Variants in CTH observed in about 807,000 individuals in gnomAD.
CTH encodes cystathionine gamma-lyase.
CTH carries 41 observed loss-of-function variants against 50.6 expected under a neutral mutation model. The observed-to-expected ratio is 0.81, with a 90% CI of 0.63 to 1.05. CTH has a LOEUF of 1.05. CTH is among the 50% of genes least tolerant of loss of function. The probability of loss-of-function intolerance (pLI) is 0.00; values close to 1 mark genes in which losing one functional copy is unlikely to be tolerated. For synonymous variants in CTH, 156 were observed against 168.9 expected (o/e 0.92, Z 0.59); for missense variants, 470 against 492.6 (o/e 0.95, Z 0.43).
At chr1:70,420,492 T>A (rs1224194405) in intron 3 of CTH, among the ~76,000 whole-genome samples, 1 of 152,140 alleles carries the variant, frequency 6.6e-6, no homozygotes, top group Non-Finnish European at 1.5e-5. Flanking sequence ...GGTTTCCTCC[T>A]GTGAGAATCT....
chr1:70,430,027 T>G (rs1447456623), intron 6 of CTH, among the ~76,000 whole-genome samples, 176 bp downstream of exon 6: 1 of 152,202 alleles, frequency 6.6e-6, no homozygotes, highest in Non-Finnish European at 1.5e-5. Context: ...CACAAAACTA[T>G]GCTCATGATT....
chr1:70,414,140 T>C (rs901741523), intron 1 of CTH, among the ~76,000 whole-genome samples: 1 of 151,890 alleles, frequency 6.6e-6, no homozygotes, highest in Non-Finnish European at 1.5e-5. Context: ...TTTTTTTTTT[T>C]AATCTGCAGG....
chr1:70,430,550 T>A (rs1377075794), intron 7 of CTH, among the ~76,000 whole-genome samples, 156 bp downstream of exon 7: 1 of 150,638 alleles, frequency 6.6e-6, no homozygotes, highest in African/African-American at 2.4e-5. Context: ...ATTTATTAAT[T>A]TTTTTTTTTG....
chr1:70,429,111 C>T (rs895113008), intron 5 of CTH, among the ~76,000 whole-genome samples: 2 of 152,098 alleles, frequency 1.3e-5, no homozygotes, highest in Non-Finnish European at 2.9e-5. Flanking sequence ...CTTGTAATAC[C>T]TAATACAATG....
At chr1:70,434,585 A>T (rs899869896) in intron 9 of CTH, among the ~76,000 whole-genome samples, 4 of 152,016 alleles carry the variant, frequency 2.6e-5, no homozygotes, top group African/African-American at 7.3e-5. Flanking sequence ...CACACTCAAC[A>T]TAAAAACAGT....
chr1:70,424,515 A>T (rs1429024685), intron 5 of CTH, 99 bp downstream of exon 5: 2 of 1,569,970 alleles, frequency 1.3e-6, no homozygotes, highest in Non-Finnish European at 1.7e-6. Flanking sequence ...GATCAAATTC[A>T]TGAAATCTAA....
intron 1 of CTH, among the ~76,000 whole-genome samples, chr1:70,415,065 GCATTGGTAGGATGTGAT>G (rs1443477939): frequency 6.6e-6 from 1 of 152,148 alleles, no homozygotes; most frequent in Non-Finnish European, 1.5e-5. Context: ...TGAATGTTGA[GCATTGGTAGGATGTGAT>G]CATAACTTCC....
At chr1:70,417,237 A>G (rs980717990) in intron 2 of CTH, among the ~76,000 whole-genome samples, 3 of 152,060 alleles carry the variant, frequency 2.0e-5, no homozygotes, top group Non-Finnish European at 4.4e-5. Flanking sequence ...CATATAATTA[A>G]CGTATGAATC....
intron 5 of CTH, among the ~76,000 whole-genome samples, chr1:70,428,952 G>T (rs909910770): frequency 6.6e-6 from 1 of 151,902 alleles, no homozygotes; most frequent in Non-Finnish European, 1.5e-5. Context: ...ATAAAGTCTT[G>T]CTCTGTCACT....
chr1:70,424,032 T>G (rs988211256), intron 4 of CTH, among the ~76,000 whole-genome samples: 1 of 152,236 alleles, frequency 6.6e-6, no homozygotes, highest in African/African-American at 2.4e-5. Context: ...ATGTACGTTA[T>G]CTCACTTGAT....
chr1:70,438,618 T>A (rs1684648254), intron 10 of CTH, 70 bp from the exon 11 acceptor site: 1 of 1,569,794 alleles, frequency 6.4e-7, no homozygotes, highest in Non-Finnish European at 8.8e-7. Flanking sequence ...GTAATTGCAG[T>A]TTATGAGACA....
chr1:70,439,189 A>G lies in CTH; in HGVS notation c.*62A>G, dbSNP rs2101766085. 1.3e-6 allele frequency: 2 copies of G among 1,497,970 alleles called. No homozygotes were observed. The highest frequency in any genetic ancestry group is 4.5e-5 in the East Asian group (2 of 44,284). The allele number at this position is 1,497,970 out of a possible 1,614,324, so 92.8% of individuals were successfully genotyped here. A position where few individuals can be genotyped will look rare whatever the true frequency, so the allele number is the denominator to read the frequency against. On this transcript the variant is annotated 3_prime_UTR_variant, in exon 12 of 12. Coordinates refer to ENST00000370938, the MANE Select transcript of CTH (RefSeq NM_001902.6). ...AGATCAAATCTTCCTGAGTAATTAA[A>G]TGGACCAACAATGAGCCTTTGCAAA...
rs563394950 is a variant in CTH, at chr1:70,411,778, A to G, written c.168+195A>G. ...AGTGATCGTATTTCTTTTGATAAGC[A>G]GGACTGGAAGGAGCCGTTTGTCCAG... On this transcript the variant is annotated intron_variant, in intron 1 of 11. Coordinates refer to ENST00000370938, the MANE Select transcript of CTH (RefSeq NM_001902.6). The G allele has an allele frequency of 2.4e-4, 180 of 744,976 alleles. No individual in the cohort carries two copies. The African/African-American group carries it at 3.1e-3, about 13-fold the overall frequency. The allele number at this position is 744,976 out of a possible 1,614,324, so 46.1% of individuals were successfully genotyped here.
chr1:70,433,388 T>C (rs1684522684), intron 8 of CTH, among the ~76,000 whole-genome samples: 2 of 152,160 alleles, frequency 1.3e-5, no homozygotes, highest in South Asian at 4.1e-4. Context: ...AGACAAGGTA[T>C]TGGAGATTTA....
chr1:70,437,280 C>T (rs1227539342), intron 10 of CTH, among the ~76,000 whole-genome samples: 2 of 152,214 alleles, frequency 1.3e-5, no homozygotes, highest in South Asian at 2.1e-4. Context: ...TTAGCACCTA[C>T]TATGAACTAT....
At position 70,432,081 on chromosome 1, in the gene CTH, A is replaced by G. The variant is rs777635779; in HGVS notation, c.725-2A>G. ...CTTATCCAGGATGTGTTCATTTTGC[A>G]GCTCTTGGAGCAGTTCCATCTCCTA... On this transcript the variant is annotated splice_acceptor_variant, in intron 7 of 11. Coordinates refer to ENST00000370938, the MANE Select transcript of CTH (RefSeq NM_001902.6). LOFTEE classifies it high-confidence loss of function. 6.2e-7 allele frequency: 1 copy of G among 1,613,968 alleles called. No homozygotes were observed. The highest frequency in any genetic ancestry group is 8.5e-7 in the Non-Finnish European group (1 of 1,179,996).
chr1:70,415,927 T>C lies in CTH; in HGVS notation c.169-29T>C, dbSNP rs757193690. Reference sequence around the variant, plus strand: ...ACTCTGATAATAAACTGAAATCTCTTAGGATGAACTCGAACTTGTTTTTTT... The same window carrying C: ...ACTCTGATAATAAACTGAAATCTCTCAGGATGAACTCGAACTTGTTTTTTT... On this transcript the variant is annotated intron_variant, in intron 1 of 11. Coordinates refer to ENST00000370938, the MANE Select transcript of CTH (RefSeq NM_001902.6). The C allele has an allele frequency of 1.0e-5, 13 of 1,240,290 alleles. No individual in the cohort carries two copies. The African/African-American group carries it at 1.2e-4, about 11-fold the overall frequency. The allele number at this position is 1,240,290 out of a possible 1,614,324, so 76.8% of individuals were successfully genotyped here. A position where few individuals can be genotyped will look rare whatever the true frequency, so the allele number is the denominator to read the frequency against.
chr1:70,434,470 T>C (rs993192417), intron 9 of CTH, among the ~76,000 whole-genome samples: 14 of 152,218 alleles, frequency 9.2e-5, no homozygotes, highest in Non-Finnish European at 1.8e-4. Flanking sequence ...ACAGAATAGA[T>C]TAACAGAAAG....
At chr1:70,425,132 A>G (rs1684318899) in intron 5 of CTH, among the ~76,000 whole-genome samples, 1 of 152,168 alleles carries the variant, frequency 6.6e-6, no homozygotes, top group Admixed American at 6.5e-5. Flanking sequence ...ATTTCAGTAT[A>G]TATTATACAT....
Sources: gnomAD v4.1 joint callset for allele counts (sites outside exome capture counted in the v4.1 genomes callset) on GRCh38, gnomAD v4.1.1 for gene constraint, MANE v1.5 for transcripts, NCBI Gene and HGNC (gene_info 2026-07-23, HGNC 2026-07-21) for gene names.